The following NHSL1 variants were observed in gnomAD, a reference collection of about 807,000 sequenced individuals.
NHSL1 encodes NHS-like protein 1.
In NHSL1, 48 loss-of-function variants were observed where a neutral mutation model predicts 95.0. The observed-to-expected ratio is 0.51, with a 90% confidence interval of 0.40 to 0.64. The LOEUF (loss-of-function observed/expected upper bound fraction) is 0.64. NHSL1 is among the 30% of genes least tolerant of loss of function. The pLI is 0.00. For synonymous variants in NHSL1, 783 were observed against 833.9 expected (o/e 0.94, Z 1.05); for missense variants, 1,971 against 2,077.7 (o/e 0.95, Z 1.00).
chr6:138,539,026 A>G (rs1401007289), intron 1 of NHSL1, among the ~76,000 whole-genome samples: 1 of 152,200 alleles, frequency 6.6e-6, no homozygotes, highest in Non-Finnish European at 1.5e-5. Flanking sequence ...TTTTGACAGT[A>G]ACAACAACAA....
chr6:138,693,101 G>A (rs1173025233), upstream of NHSL1, among the ~76,000 whole-genome samples: 2 of 151,548 alleles, frequency 1.3e-5, no homozygotes, highest in Non-Finnish European at 2.9e-5. This position sits in a 1 kb window ranked among gnomAD's most constrained non-coding sequence, Gnocchi z 4.3. Flanking sequence ...CCGCGGCGGC[G>A]AGGGGAGCCG....
chr6:138,501,745 A>T (rs1296529638), upstream of NHSL1, among the ~76,000 whole-genome samples: 4 of 152,208 alleles, frequency 2.6e-5, no homozygotes, highest in African/African-American at 9.7e-5. Flanking sequence ...CTCTGTATCC[A>T]TTCCAGGATG....
intron 1 of NHSL1, among the ~76,000 whole-genome samples, chr6:138,522,965 AT>A (rs1247917252): frequency 1.3e-5 from 2 of 152,228 alleles, no homozygotes; most frequent in African/African-American, 4.8e-5. Flanking sequence ...AAGGCTAGGA[AT>A]TATTTCCTGA....
Position 138,433,072 on chromosome 6 carries a change from T to G in NHSL1, c.1273A>C (p.Ile425Leu), listed in dbSNP as rs770655237. The change falls in exon 6 of 8, where the codon ATC becomes CTC. Residue 425 changes from isoleucine (I) to leucine (L), a missense_variant. Ile to Leu is a conservative substitution (Grantham distance 5). This residue lies in a region of NHSL1 where 1,602 missense variants were observed against 1,654.5 expected (regional missense o/e 0.97). Coordinates refer to ENST00000343505, the MANE Select transcript of NHSL1 (RefSeq NM_001144060.2). ...GCACTCTGAGCAGTGGGAATAGCGATGACCTCGGAAGAGGAAGACAGTGTG... is the reference window on the plus strand; with the variant it reads ...GCACTCTGAGCAGTGGGAATAGCGAGGACCTCGGAAGAGGAAGACAGTGTG... Reference protein sequence around the residue: ...NATLSSSSEVIAIPTAQSAGQ... With the variant: ...NATLSSSSEVLAIPTAQSAGQ... 1.3e-6 allele frequency: 2 copies of G among 1,551,290 alleles called. No homozygotes were observed. The highest frequency in any genetic ancestry group is 1.7e-6 in the Non-Finnish European group (2 of 1,146,884).
chr6:138,520,169 T>C (rs1348199427), intron 1 of NHSL1, among the ~76,000 whole-genome samples: 1 of 151,988 alleles, frequency 6.6e-6, no homozygotes, highest in Non-Finnish European at 1.5e-5. Flanking sequence ...CTACACAGTC[T>C]TGGCATATAA....
At chr6:138,669,557 T>C (rs551389018) in intron 1 of NHSL1, among the ~76,000 whole-genome samples, 2 of 152,202 alleles carry the variant, frequency 1.3e-5, no homozygotes, top group Non-Finnish European at 2.9e-5. Context: ...CCTGACCACA[T>C]TCCTAGCCAC....
Position 138,424,443 on chromosome 6 carries a change from G to A in NHSL1, c.4459C>T (p.Pro1487Ser), listed in dbSNP as rs1775122283. ...EEWAKNEGLM[P>S]RSLSFSGPRY... ...GGGCCGGAAAAGGACAGACTCCGAG[G>A]CATCAAGCCTTCGTTCTTGGCCCAC... is the stretch of plus-strand genomic sequence containing the variant. Residue 1487 changes from proline (P) to serine (S), a missense_variant, in exon 8 of 8, where the codon CCT (proline) becomes TCT (serine). Physicochemically the swap from Pro to Ser is moderately conservative, Grantham distance 74. Transcript: ENST00000343505. The surrounding 1 kb of genome is among the most constrained non-coding windows in gnomAD (Gnocchi z 5.9). 1 of 1,550,552 alleles carries A rather than the reference G, an allele frequency of 6.4e-7. No individual in the cohort carries two copies.
At chr6:138,681,934 G>A (rs1785517060) in intron 1 of NHSL1, among the ~76,000 whole-genome samples, 1 of 151,384 alleles carries the variant, frequency 6.6e-6, no homozygotes, top group Admixed American at 6.6e-5. Context: ...TTCCCTACAG[G>A]AATAATCTAA....
intron 1 of NHSL1, among the ~76,000 whole-genome samples, chr6:138,550,996 G>A (rs542333210): frequency 3.9e-5 from 6 of 152,246 alleles, no homozygotes; most frequent in Non-Finnish European, 1.5e-5. Context: ...AGTACTTTCA[G>A]TTACCCCTGG....
intron 1 of NHSL1, among the ~76,000 whole-genome samples, chr6:138,538,015 A>G (rs558467203): frequency 2.0e-5 from 3 of 152,346 alleles, no homozygotes; most frequent in East Asian, 3.9e-4. Context: ...AATTCTATCA[A>G]AATATTTTGG....
chr6:138,448,534 A>G (rs1777013280), intron 3 of NHSL1, among the ~76,000 whole-genome samples: 1 of 152,054 alleles, frequency 6.6e-6, no homozygotes, highest in Admixed American at 6.5e-5. Flanking sequence ...CCCCCAAACG[A>G]GGGTAAGTGC....
chr6:138,570,217 T>C (rs936038928), intron 1 of NHSL1, among the ~76,000 whole-genome samples: 12 of 152,326 alleles, frequency 7.9e-5, no homozygotes, highest in African/African-American at 2.9e-4. Flanking sequence ...TTGACAGTGG[T>C]TGACTTAAAG....
intron 3 of NHSL1, among the ~76,000 whole-genome samples, chr6:138,447,669 A>G (rs2128220952): frequency 6.6e-6 from 1 of 152,250 alleles, no homozygotes. Flanking sequence ...GCTACTTGGG[A>G]GGCTGAGGCA....
At position 138,571,843 on chromosome 6, in the gene NHSL1, T is replaced by C. The variant is rs768445570; in HGVS notation, c.69A>G (p.Val23=). Reference sequence around the variant, plus strand: ...ACAAGGAGGAGAAATTTATCCAACTTACAGCACGTGAGAGAGAACCTGTAT... The same window carrying C: ...ACAAGGAGGAGAAATTTATCCAACTCACAGCACGTGAGAGAGAACCTGTAT... Residue 23 remains valine, a synonymous_variant, in exon 1 of 7, where the codon GTA becomes GTG. Transcript: ENST00000427025. 14 of 1,551,870 alleles carry C rather than the reference T, an allele frequency of 9.0e-6. No homozygotes were observed. In the South Asian group the frequency reaches 1.5e-4, roughly 17 times the overall value.
intron 2 of NHSL1, 98 bp downstream of exon 2, chr6:138,496,121 T>A: frequency 7.9e-7 from 1 of 1,260,480 alleles, no homozygotes; most frequent in Non-Finnish European, 1.1e-6. Context: ...TACTATACAT[T>A]CAATAAAAGT....
At chr6:138,636,991 G>C (rs1053244193) in intron 1 of NHSL1, among the ~76,000 whole-genome samples, 2 of 151,998 alleles carry the variant, frequency 1.3e-5, no homozygotes, top group Non-Finnish European at 2.9e-5. Flanking sequence ...TAGAGGAAAC[G>C]CATTTCCTGA....
chr6:138,488,147 G>A (rs899838916), intron 2 of NHSL1, among the ~76,000 whole-genome samples: 3 of 152,020 alleles, frequency 2.0e-5, no homozygotes, highest in African/African-American at 4.8e-5. Flanking sequence ...GCATGGTGGT[G>A]CACACCTGTA....
At chr6:138,449,504 G>A (rs879669479) in intron 3 of NHSL1, among the ~76,000 whole-genome samples, 1 of 151,878 alleles carries the variant, frequency 6.6e-6, no homozygotes, top group African/African-American at 2.4e-5. Flanking sequence ...GTGAAATCCC[G>A]TCTCTACTAA....
chr6:138,489,952 A>G (rs71560674), intron 2 of NHSL1, among the ~76,000 whole-genome samples: 8,400 of 28,568 alleles, frequency 0.29, 1,159 homozygotes, highest in Admixed American at 0.41. Flanking sequence ...GAGGGAGAGA[A>G]GGAGAGAGGG....
Sources: gnomAD v4.1 joint callset for allele counts (sites outside exome capture counted in the v4.1 genomes callset) on GRCh38, gnomAD v4.1.1 for gene constraint, gnomAD v4.1.1 regional missense constraint, Gnocchi (gnomAD v3.1) non-coding constraint, MANE v1.5 for transcripts, NCBI Gene and HGNC (gene_info 2026-07-23, HGNC 2026-07-21) for gene names.